Variants in RYR1 observed in about 807,000 individuals in gnomAD.
The protein encoded by RYR1 is central core disease of muscle.
In RYR1, 342 loss-of-function variants were observed where a neutral mutation model predicts 583.5. The observed-to-expected ratio is 0.59, with a 90% CI of 0.54 to 0.64. RYR1 has a LOEUF of 0.64. Ranked by LOEUF, RYR1 falls within the 30% of genes least tolerant of loss-of-function variation. The pLI, the probability that RYR1 is intolerant of heterozygous loss-of-function variation, is 0.00. For missense variants in RYR1, 6,032 were observed against 6,917.2 expected, an observed-to-expected ratio of 0.87 and a Z score of 4.54; for synonymous variants, 2,791 against 2,822.5, an observed-to-expected ratio of 0.99 and a Z score of 0.35.
At position 38,444,730 on chromosome 19, in the gene RYR1, A is replaced by C. The variant is rs1229233408; in HGVS notation, c.631+53A>C. 2.2e-6 allele frequency: 3 copies of C among 1,373,616 alleles called. No homozygotes were observed. Among genetic ancestry groups the C allele is most frequent in the Admixed American group, 3.8e-5 (2 of 53,308 alleles). 85.1% of individuals were successfully genotyped at this position (1,373,616 alleles called of 1,614,324 possible). A position where few individuals can be genotyped will look rare whatever the true frequency, so the allele number is the denominator to read the frequency against. On this transcript the variant is annotated intron_variant, in intron 7 of 105. Transcript: ENST00000359596. The surrounding 1 kb of genome is among the most constrained non-coding windows in gnomAD (Gnocchi z 5.1). ...GGAGATCCCCCCAAAACAGACCCTT[A>C]ATGTTGCCCTTCAGGCATACCCAAA...
intron 84 of RYR1, among the ~76,000 whole-genome samples, chr19:38,539,238 C>CTTTTT (rs766181329): frequency 8.4e-6 from 1 of 118,708 alleles, no homozygotes; most frequent in Non-Finnish European, 1.8e-5. Flanking sequence ...AAGATTTTTT[C>CTTTTT]TTTTTTTTTT....
intron 72 of RYR1, 117 bp downstream of exon 72, chr19:38,527,169 G>A: frequency 8.6e-7 from 1 of 1,157,124 alleles, no homozygotes; most frequent in Non-Finnish European, 1.3e-6. Flanking sequence ...AAGGTCAGGA[G>A]TTTGAGACCA....
In RYR1 at chr19:38,567,866, A is replaced by T; in HGVS notation, c.13608A>T (p.Glu4536Asp). 1 of 1,614,028 alleles carries T rather than the reference A, an allele frequency of 6.2e-7. No homozygotes were observed. The highest frequency in any genetic ancestry group is 8.5e-7 in the Non-Finnish European group (1 of 1,180,010). The change falls in exon 93 of 106, where the codon GAA (glutamate) becomes GAT (aspartate). Residue 4536 changes from glutamate to aspartate, a missense_variant. This residue lies in a region of RYR1 where 753 missense variants were observed against 759.6 expected (regional missense o/e 0.99). Transcript: ENST00000359596. ...CCTCACCCCCTCCAAAGAAGGAGGAAGCTGGAGGCGAATTCTGGGGAGAAC... is the reference window on the plus strand; with the variant it reads ...CCTCACCCCCTCCAAAGAAGGAGGATGCTGGAGGCGAATTCTGGGGAGAAC... The part of the protein sequence containing the change: ...APPSPPPKKE[E>D]AGGEFWGELE...
intron 96 of RYR1, among the ~76,000 whole-genome samples, chr19:38,574,750 T>C (rs1424757792): frequency 6.6e-6 from 1 of 151,868 alleles, no homozygotes; most frequent in Non-Finnish European, 1.5e-5. Flanking sequence ...AAAACAAAAC[T>C]CGTGGCTGGG....
At chr19:38,519,149 G>T in intron 66 of RYR1, 65 bp from the exon 67 acceptor site, 1 of 1,612,700 alleles carries the variant, frequency 6.2e-7, no homozygotes. Flanking sequence ...AGTCGGGCTG[G>T]GAACGGAGTT....
chr19:38,583,680 C>T (rs534012411), intron 101 of RYR1, among the ~76,000 whole-genome samples: 9 of 152,002 alleles, frequency 5.9e-5, no homozygotes, highest in South Asian at 4.1e-4. Context: ...GCTTTCTAGC[C>T]GCCTGGTCCT....
At chr19:38,506,703 A>G (rs1368527662) in intron 56 of RYR1, 126 bp from the exon 57 acceptor site, 3 of 1,512,496 alleles carry the variant, frequency 2.0e-6, no homozygotes, top group Non-Finnish European at 2.7e-6. Context: ...ACCAGCAAGC[A>G]ATGTTTCCGT....
Position 38,527,281 on chromosome 19 carries a change from C to T in RYR1, c.10686+229C>T, listed in dbSNP as rs577496496. ...ATCCCAACACTTTGGAAGGCCAAGG[C>T]GGGCAGATCACCTGAGGTTAGGAGT... On this transcript the variant is annotated intron_variant, in intron 72 of 105. Transcript: ENST00000359596. 4.6e-5 allele frequency among the ~76,000 whole-genome samples: 7 copies of T among 152,162 alleles called. No homozygotes were observed. The East Asian group carries it at 5.8e-4, about 13-fold the overall frequency.
At position 38,463,830 on chromosome 19, in the gene RYR1, G is replaced by A; in HGVS notation, c.2766G>A (p.Gln922=). 1 of 1,613,824 alleles carries A rather than the reference G, an allele frequency of 6.2e-7. No individual in the cohort carries two copies. ...AGCCTGAGAGGAACTACAACCTGCAGATGTCTGGGGAGACGCTCAAGTGAG... is the reference window on the plus strand; with the variant it reads ...AGCCTGAGAGGAACTACAACCTGCAAATGTCTGGGGAGACGCTCAAGTGAG... The part of the protein sequence containing the change: ...LPEPERNYNL[Q]MSGETLKTLL... Residue 922 remains glutamine, a synonymous_variant, in exon 22 of 106, where the codon CAG becomes CAA. Coordinates refer to ENST00000359596, the MANE Select transcript of RYR1 (RefSeq NM_000540.3).
At position 38,489,263 on chromosome 19, in the gene RYR1, G is replaced by C. The variant is rs114203198; in HGVS notation, c.5634G>C (p.Glu1878Asp). ...TCTTCACTGAGGAAGAAGAGGAGGA[G>C]GACGAGGAGGAAGAGGGTGAAGAGG... ...PEVFTEEEEE[E>D]DEEEEGEEED... The change falls in exon 35 of 106, where the codon GAG becomes GAC. Residue 1878 changes from glutamate (E) to aspartate (D), a missense_variant. This residue lies in a region of RYR1 where 2,627 missense variants were observed against 2,961.3 expected (regional missense o/e 0.89). Coordinates refer to ENST00000359596, the MANE Select transcript of RYR1 (RefSeq NM_000540.3). The C allele has an allele frequency of 9.2e-4, 1,481 of 1,611,380 alleles. 11 individuals carry two copies. The African/African-American group carries it at 0.017, about 18-fold the overall frequency.
intron 36 of RYR1, 71 bp downstream of exon 36, chr19:38,490,347 A>G: frequency 1.4e-6 from 2 of 1,441,770 alleles, no homozygotes; most frequent in Non-Finnish European, 1.9e-6. Context: ...GACTCTGATC[A>G]CTGAGGACCC....
Position 38,511,953 on chromosome 19 carries a change from C to G in RYR1, c.9173-119C>G, listed in dbSNP as rs566720601. On this transcript the variant is annotated intron_variant, in intron 61 of 105. Coordinates refer to ENST00000359596, the MANE Select transcript of RYR1 (RefSeq NM_000540.3). ...GTCTGGGGGGGTGGGGGTGCAGTAGCATTCCAACTTAGCCCGCAGGTAGCC... is the reference window on the plus strand; with the variant it reads ...GTCTGGGGGGGTGGGGGTGCAGTAGGATTCCAACTTAGCCCGCAGGTAGCC... The G allele has an allele frequency of 3.5e-5, 42 of 1,195,288 alleles. No individual in the cohort carries two copies. The Admixed American group carries it at 7.9e-4, about 22-fold the overall frequency. 74.0% of individuals were successfully genotyped at this position (1,195,288 alleles called of 1,614,324 possible). A position where few individuals can be genotyped will look rare whatever the true frequency, so the allele number is the denominator to read the frequency against.
chr19:38,442,596 C>A (rs1972747046), intron 3 of RYR1, 143 bp downstream of exon 3: 4 of 655,024 alleles, frequency 6.1e-6, no homozygotes, highest in Non-Finnish European at 1.1e-5. Flanking sequence ...TGCCCTGCCC[C>A]CCACAGGCCC....
intron 89 of RYR1, among the ~76,000 whole-genome samples, chr19:38,557,791 C>T (rs1020082207): frequency 6.7e-6 from 1 of 149,124 alleles, no homozygotes; most frequent in Non-Finnish European, 1.5e-5. Context: ...GTGACAAGAG[C>T]GAAATTCTGT....
chr19:38,506,035 G>A (rs993959820), intron 54 of RYR1, 89 bp downstream of exon 54: 8 of 1,548,142 alleles, frequency 5.2e-6, no homozygotes, highest in Non-Finnish European at 6.1e-6. Flanking sequence ...GGGATGGAGA[G>A]GAGAGGGGCC....
intron 72 of RYR1, 31 bp from the exon 73 acceptor site, chr19:38,527,616 C>T: frequency 1.2e-6 from 2 of 1,613,230 alleles, no homozygotes; most frequent in African/African-American, 1.3e-5. Flanking sequence ...AAGGGTCCCT[C>T]ACGCCGGCCA....
At chr19:38,529,739 T>C (rs1971646172) in intron 76 of RYR1, among the ~76,000 whole-genome samples, 1 of 152,174 alleles carries the variant, frequency 6.6e-6, no homozygotes, top group Non-Finnish European at 1.5e-5. Flanking sequence ...AAAAGCTTCA[T>C]GTAGGCTAAT....
At chr19:38,502,798 CAGGGGCAGGGGGAGGAGCAGGGGCAGG>C (rs1970231464) in intron 48 of RYR1, 55 bp from the exon 49 acceptor site, 18 of 766,434 alleles carry the variant, frequency 2.3e-5, no homozygotes, top group Admixed American at 8.4e-5. Context: ...GGGGCAGGGG[CAGGGGCAGGGGGAGGAGCAGGGGCAGG>C]GGCAGCAGAG....
intron 38 of RYR1, among the ~76,000 whole-genome samples, chr19:38,493,858 C>A (rs554151699): frequency 1.2e-4 from 18 of 152,114 alleles, no homozygotes; most frequent in Non-Finnish European, 2.1e-4. Flanking sequence ...GGGATTGTGA[C>A]ATGTGCCTTC....
Sources: gnomAD v4.1 joint callset for allele counts (sites outside exome capture counted in the v4.1 genomes callset) on GRCh38, gnomAD v4.1.1 for gene constraint, gnomAD v4.1.1 regional missense constraint, Gnocchi (gnomAD v3.1) non-coding constraint, MANE v1.5 for transcripts, NCBI Gene and HGNC (gene_info 2026-07-23, HGNC 2026-07-21) for gene names.